GRIN2A: variants seen among roughly 807,000 people sequenced by gnomAD.
The protein encoded by GRIN2A is glutamate ionotropic receptor NMDA type subunit 2A.
A neutral mutation model predicts 113.4 loss-of-function variants in GRIN2A; 22 were observed. That is an observed-to-expected ratio of 0.19 (90% CI 0.14 to 0.28). The LOEUF is 0.28. Ranked by LOEUF, GRIN2A falls within the 10% of genes least tolerant of loss-of-function variation. GRIN2A has a pLI of 1.00. For synonymous variants in GRIN2A, 827 were observed against 738.4 expected, an observed-to-expected ratio of 1.12 and a Z score of -1.94; for missense variants, 1,502 against 1,887.0, an observed-to-expected ratio of 0.80 and a Z score of 3.78.
chr16:9,989,150 C>T (rs2046048320), intron 2 of GRIN2A, among the ~76,000 whole-genome samples: 1 of 152,178 alleles, frequency 6.6e-6, no homozygotes, highest in African/African-American at 2.4e-5. Context: ...AACTATACTA[C>T]AATGCTACAG....
intron 2 of GRIN2A, among the ~76,000 whole-genome samples, chr16:10,061,955 T>A (rs2047557709): frequency 6.6e-6 from 1 of 152,158 alleles, no homozygotes; most frequent in South Asian, 2.1e-4. Context: ...TCCGTCAGCT[T>A]CTCTGCTGAA....
intron 2 of GRIN2A, among the ~76,000 whole-genome samples, chr16:9,941,683 A>C (rs1438847671): frequency 1.3e-5 from 2 of 152,162 alleles, no homozygotes; most frequent in Non-Finnish European, 1.5e-5. Flanking sequence ...GGGAAAAAAA[A>C]CACTCAGCCT....
intron 3 of GRIN2A, among the ~76,000 whole-genome samples, chr16:9,935,433 C>G (rs567814053): frequency 6.6e-6 from 1 of 151,598 alleles, no homozygotes; most frequent in African/African-American, 2.4e-5. Flanking sequence ...GGAGAAATGT[C>G]AAAGGAGCAT....
chr16:9,914,586 C>T (rs1001494140), intron 3 of GRIN2A, among the ~76,000 whole-genome samples: 2 of 152,150 alleles, frequency 1.3e-5, no homozygotes, highest in Admixed American at 1.3e-4. Context: ...AACGCATACG[C>T]ATTTGTTTTG....
chr16:10,023,810 AT>A (rs2046769206), intron 2 of GRIN2A, among the ~76,000 whole-genome samples: 1 of 152,230 alleles, frequency 6.6e-6, no homozygotes, highest in African/African-American at 2.4e-5. Flanking sequence ...GTCTCAGTTA[AT>A]CCCCCAATAG....
At chr16:9,782,533 G>A (rs888294421) in intron 11 of GRIN2A, among the ~76,000 whole-genome samples, 7 of 152,182 alleles carry the variant, frequency 4.6e-5, no homozygotes, top group African/African-American at 7.2e-5. Flanking sequence ...ACGAGCCTAT[G>A]TGACATCAAT....
intron 2 of GRIN2A, among the ~76,000 whole-genome samples, chr16:10,035,952 G>C (rs1001357275): frequency 6.6e-6 from 1 of 152,230 alleles, no homozygotes; most frequent in Non-Finnish European, 1.5e-5. Flanking sequence ...TCGAACTCCT[G>C]ACCTCAAGTG....
chr16:10,180,809 A>T lies in GRIN2A; in HGVS notation c.-18-380T>A. 1 of 359,078 alleles carries T rather than the reference A, an allele frequency of 2.8e-6. No individual in the cohort carries two copies. Among genetic ancestry groups the T allele is most frequent in the Non-Finnish European group, 5.3e-6 (1 of 189,686 alleles). 22.2% of individuals were successfully genotyped at this position (359,078 alleles called of 1,614,324 possible). A position where few individuals can be genotyped will look rare whatever the true frequency, so the allele number is the denominator to read the frequency against. ...TACCCCACCAAGCTCCTAGGTGCAC[A>T]GAATAAACCCTCCATCCAACCCCTC... On this transcript the variant is annotated intron_variant, in intron 1 of 12. Transcript: ENST00000330684. This position sits in a 1 kb window ranked among gnomAD's most constrained non-coding sequence, Gnocchi z 7.0.
At chr16:9,777,006 T>C (rs988441816) in intron 11 of GRIN2A, among the ~76,000 whole-genome samples, 10 of 152,164 alleles carry the variant, frequency 6.6e-5, no homozygotes, top group African/African-American at 2.2e-4. Flanking sequence ...GGAAGTTGTG[T>C]ATCAGATTTG....
At chr16:9,923,927 G>T (rs1302817817) in intron 3 of GRIN2A, among the ~76,000 whole-genome samples, 2 of 151,978 alleles carry the variant, frequency 1.3e-5, no homozygotes, top group African/African-American at 4.8e-5. Context: ...AGGAGTTCGA[G>T]ACCAGCCTGG....
At chr16:9,810,378 A>G (rs2042063592) in intron 10 of GRIN2A, among the ~76,000 whole-genome samples, 1 of 152,164 alleles carries the variant, frequency 6.6e-6, no homozygotes, top group Non-Finnish European at 1.5e-5. Context: ...TGGGAAAACC[A>G]CACTACAGCC....
intron 2 of GRIN2A, among the ~76,000 whole-genome samples, chr16:10,026,860 T>C (rs2046832088): frequency 6.6e-6 from 1 of 152,170 alleles, no homozygotes; most frequent in Non-Finnish European, 1.5e-5. Context: ...CAGGAAGAAC[T>C]GCACTTCCAG....
At chr16:10,163,138 G>GA (rs984531490) in intron 2 of GRIN2A, among the ~76,000 whole-genome samples, 2 of 152,144 alleles carry the variant, frequency 1.3e-5, no homozygotes, top group African/African-American at 4.8e-5. Flanking sequence ...AATTGTTTGG[G>GA]AATCTCTTGC....
Position 9,758,707 on chromosome 16 carries a change from C to T in GRIN2A, c.*4442G>A, listed in dbSNP as rs966877996. ...TGATCTATATCAAGTGGCAAGCTGA[C>T]CTCATCTGATACAATTAGATATGAA... On this transcript the variant is annotated 3_prime_UTR_variant, in exon 13 of 13. Transcript: ENST00000330684. 4.6e-6 allele frequency: 1 copy of T among 215,674 alleles called. No individual in the cohort carries two copies. Among genetic ancestry groups the T allele is most frequent in the African/African-American group, 2.3e-5 (1 of 44,422 alleles). The allele number at this position is 215,674 out of a possible 1,614,324, so 13.4% of individuals were successfully genotyped here. A position where few individuals can be genotyped will look rare whatever the true frequency, so the allele number is the denominator to read the frequency against.
chr16:10,115,383 G>A (rs2048711554), intron 2 of GRIN2A, among the ~76,000 whole-genome samples: 1 of 152,152 alleles, frequency 6.6e-6, no homozygotes, highest in Admixed American at 6.5e-5. Flanking sequence ...TAGGTAGTAG[G>A]AGAGATGCTT....
intron 2 of GRIN2A, among the ~76,000 whole-genome samples, chr16:10,063,155 T>C (rs2047581646): frequency 2.0e-5 from 3 of 152,146 alleles, no homozygotes; most frequent in South Asian, 4.1e-4. Context: ...TTCTCACTTA[T>C]AAGTGAGAGC....
chr16:9,931,907 C>T (rs2044602416), intron 3 of GRIN2A, among the ~76,000 whole-genome samples: 1 of 152,180 alleles, frequency 6.6e-6, no homozygotes, highest in Non-Finnish European at 1.5e-5. Context: ...AAACCACAGG[C>T]TAAAATGTGA....
At chr16:10,043,818 A>T (rs552450820) in intron 2 of GRIN2A, among the ~76,000 whole-genome samples, 1 of 151,928 alleles carries the variant, frequency 6.6e-6, no homozygotes, top group Non-Finnish European at 1.5e-5. Context: ...ACAGCATTTG[A>T]TGCTTAATAT....
intron 2 of GRIN2A, among the ~76,000 whole-genome samples, chr16:9,963,064 T>C (rs1429861310): frequency 4.3e-5 from 6 of 139,646 alleles, no homozygotes; most frequent in Admixed American, 7.9e-5. Context: ...AGGTGGGAAC[T>C]GAACAATGAG....
Sources: gnomAD v4.1 joint callset for allele counts (sites outside exome capture counted in the v4.1 genomes callset) on GRCh38, gnomAD v4.1.1 for gene constraint, Gnocchi (gnomAD v3.1) non-coding constraint, MANE v1.5 for transcripts, NCBI Gene and HGNC (gene_info 2026-07-23, HGNC 2026-07-21) for gene names.